CPQ: variants seen among roughly 807,000 people sequenced by gnomAD.
The protein encoded by CPQ is Ser-Met dipeptidase.
Under a neutral mutation model 45.7 loss-of-function variants are expected in CPQ, and 37 were observed. The observed-to-expected ratio is 0.81, with a 90% CI of 0.62 to 1.07. The LOEUF is 1.07. Ranked by LOEUF, CPQ falls within the 50% of genes least tolerant of loss-of-function variation. The pLI, the probability that CPQ is intolerant of heterozygous loss-of-function variation, is 0.00. For synonymous variants in CPQ, 186 were observed against 205.8 expected (o/e 0.90, Z 0.82); for missense variants, 537 against 572.9 (o/e 0.94, Z 0.64).
rs753257272 is a variant in CPQ at position 97,118,085 on chromosome 8, T to C, written c.1256-24935T>C. ...TACAAGCCAGTTGGAATTTGAAAAT[T>C]AGAGAGTCAAAAAGATAAAGTGAAT... On this transcript the variant is annotated intron_variant, in intron 7 of 7. Coordinates refer to ENST00000220763, the MANE Select transcript of CPQ (RefSeq NM_016134.4). Among the ~76,000 whole-genome samples, 4 of 152,196 alleles carry C rather than the reference T, an allele frequency of 2.6e-5. 1 individual carries two copies. Among genetic ancestry groups the C allele is most frequent in the Non-Finnish European group, 5.9e-5 (4 of 68,034 alleles).
rs1270668092 is a variant in CPQ, at chr8:96,850,563, T to TTTTTA, written c.641+15407_641+15411dup. ...CATTAAGGTGTTACACTGATTTTTA[T>TTTTTA]TTTTATTTTATTTTATTTTATTTTA... On this transcript the variant is annotated intron_variant, in intron 3 of 7. Coordinates refer to ENST00000220763, the MANE Select transcript of CPQ (RefSeq NM_016134.4). Among the ~76,000 whole-genome samples the TTTTTA allele has an allele frequency of 1.1e-3, 165 of 146,944 alleles. 1 individual carries two copies. Among genetic ancestry groups the TTTTTA allele is most frequent in the East Asian group, 8.9e-3 (44 of 4,918 alleles).
At chr8:96,696,822 A>G (rs558993586) in intron 1 of CPQ, among the ~76,000 whole-genome samples, 2 of 152,312 alleles carry the variant, frequency 1.3e-5, no homozygotes, top group South Asian at 4.1e-4. Flanking sequence ...CTATGGAGGA[A>G]TCCAAAACTT....
At chr8:96,895,013 C>T (rs1445346921) in intron 4 of CPQ, among the ~76,000 whole-genome samples, 2 of 152,206 alleles carry the variant, frequency 1.3e-5, no homozygotes, top group African/African-American at 4.8e-5. Flanking sequence ...CTCCACCATA[C>T]CTCACTCATT....
chr8:96,845,923 G>C (rs549860995), intron 3 of CPQ, among the ~76,000 whole-genome samples: 30 of 152,102 alleles, frequency 2.0e-4, no homozygotes, highest in Non-Finnish European at 3.5e-4. Context: ...GGATTCAAGC[G>C]ATTCTCCTGC....
intron 5 of CPQ, among the ~76,000 whole-genome samples, chr8:97,023,014 T>C (rs1010809818): frequency 6.8e-6 from 1 of 146,802 alleles, no homozygotes; most frequent in Non-Finnish European, 1.5e-5. Flanking sequence ...ATATACTATA[T>C]ATAGTATATA....
chr8:96,786,332 C>G (rs1810768138), intron 2 of CPQ, among the ~76,000 whole-genome samples: 1 of 152,086 alleles, frequency 6.6e-6, no homozygotes, highest in Admixed American at 6.6e-5. Context: ...CCAGGTTCAT[C>G]TATGTTGTCA....
intron 4 of CPQ, among the ~76,000 whole-genome samples, chr8:96,948,023 A>G (rs1333944990): frequency 6.6e-6 from 1 of 152,046 alleles, no homozygotes; most frequent in East Asian, 1.9e-4. Context: ...ACGCAGATCT[A>G]GTACTTAGCG....
chr8:97,048,063 A>G (rs1235693726), intron 6 of CPQ, among the ~76,000 whole-genome samples: 1 of 152,248 alleles, frequency 6.6e-6, no homozygotes, highest in Non-Finnish European at 1.5e-5. Flanking sequence ...AACACCAAGG[A>G]CAGGGATACA....
At chr8:96,838,507 T>C (rs1252367242) in intron 3 of CPQ, among the ~76,000 whole-genome samples, 2 of 152,138 alleles carry the variant, frequency 1.3e-5, no homozygotes, top group Admixed American at 6.6e-5. Flanking sequence ...TGACATTCTA[T>C]TGGGCAGAAT....
intron 7 of CPQ, among the ~76,000 whole-genome samples, chr8:97,114,473 G>T (rs1811549164): frequency 6.6e-6 from 1 of 152,224 alleles, no homozygotes. Flanking sequence ...ATATGTGGAA[G>T]TGCCTGGCAC....
intron 7 of CPQ, among the ~76,000 whole-genome samples, chr8:97,130,505 A>C (rs1811934381): frequency 6.7e-6 from 1 of 149,088 alleles, no homozygotes. Flanking sequence ...ATGTACTTTA[A>C]TTATATTTTG....
At chr8:96,852,427 T>C (rs1811783210) in intron 3 of CPQ, among the ~76,000 whole-genome samples, 1 of 152,204 alleles carries the variant, frequency 6.6e-6, no homozygotes, top group African/African-American at 2.4e-5. Flanking sequence ...TCAGCAAATA[T>C]GATTGGAAGT....
intron 7 of CPQ, among the ~76,000 whole-genome samples, chr8:97,086,051 T>C (rs1811036048): frequency 1.3e-5 from 2 of 152,180 alleles, no homozygotes; most frequent in South Asian, 4.1e-4. Context: ...CCTGAGCATG[T>C]CTCTTCTCCA....
At chr8:96,894,677 A>G (rs1012895470) in intron 4 of CPQ, among the ~76,000 whole-genome samples, 2 of 152,230 alleles carry the variant, frequency 1.3e-5, no homozygotes, top group East Asian at 3.8e-4. Context: ...CAATTAAAAC[A>G]TTGTTTGAAA....
intron 2 of CPQ, among the ~76,000 whole-genome samples, chr8:96,808,714 G>A (rs1274031874): frequency 6.6e-6 from 1 of 152,088 alleles, no homozygotes; most frequent in African/African-American, 2.4e-5. Flanking sequence ...GTTCTAGGTA[G>A]GAGTCCTTTG....
chr8:96,965,431 G>A (rs919389176), intron 4 of CPQ, among the ~76,000 whole-genome samples: 8 of 141,348 alleles, frequency 5.7e-5, no homozygotes, highest in Middle Eastern at 3.6e-3. Flanking sequence ...GTGCAGTGGC[G>A]CAATCTCAGC....
intron 4 of CPQ, among the ~76,000 whole-genome samples, chr8:96,961,592 C>A (rs1457901572): frequency 6.6e-6 from 1 of 152,056 alleles, no homozygotes; most frequent in African/African-American, 2.4e-5. Flanking sequence ...AATTTTTATT[C>A]TATTTTTAAA....
chr8:96,805,193 C>T (rs981569326), intron 2 of CPQ, among the ~76,000 whole-genome samples: 3 of 152,076 alleles, frequency 2.0e-5, no homozygotes, highest in Non-Finnish European at 1.5e-5. Flanking sequence ...TAAAGAAAAG[C>T]ACAATTAGGA....
At position 96,645,768 on chromosome 8, in the gene CPQ, C is replaced by A. The variant is rs547841605; in HGVS notation, c.-35+366C>A. On this transcript the variant is annotated intron_variant, in intron 1 of 7. Coordinates refer to ENST00000220763, the MANE Select transcript of CPQ (RefSeq NM_016134.4). ...CAGCCCCAAGCCGCCCCCTTCATCC[C>A]CCATCTGCAAACAATCCTGGTCCCC... Among the ~76,000 whole-genome samples, 10 of 151,952 alleles carry A rather than the reference C, an allele frequency of 6.6e-5. No individual in the cohort carries two copies. The South Asian group carries it at 1.9e-3, about 28-fold the overall frequency.
Sources: allele counts gnomAD v4.1 joint callset (sites outside exome capture counted in the v4.1 genomes callset), GRCh38; gene constraint gnomAD v4.1.1; transcripts MANE v1.5; gene names NCBI Gene and HGNC (gene_info 2026-07-23, HGNC 2026-07-21).